The following RBM6 variants were observed in gnomAD, a reference collection of about 807,000 sequenced individuals.
RBM6 encodes the protein RNA binding motif protein 6, also known as RNA-binding protein 6.
RBM6 carries 23 observed loss-of-function variants against 140.4 expected under a neutral mutation model. The observed-to-expected ratio is 0.16, with a 90% confidence interval of 0.12 to 0.23. The LOEUF is 0.23. RBM6 is among the 10% of genes least tolerant of loss of function. RBM6 has a pLI of 1.00. For synonymous variants in RBM6, 439 were observed against 475.6 expected (o/e 0.92, Z 1.00); for missense variants, 1,139 against 1,386.7 (o/e 0.82, Z 2.84).
chr3:49,942,158 G>A (rs1365512491), intron 1 of RBM6, among the ~76,000 whole-genome samples: 2 of 151,166 alleles, frequency 1.3e-5, no homozygotes, highest in African/African-American at 4.9e-5. Context: ...GTATGTTTAT[G>A]TATATTTTAA....
chr3:49,948,275 C>A (rs2083580888), intron 1 of RBM6, among the ~76,000 whole-genome samples: 1 of 152,144 alleles, frequency 6.6e-6, no homozygotes, highest in Non-Finnish European at 1.5e-5. Flanking sequence ...CGCCTATAAT[C>A]TTAGCACTTT....
chr3:49,949,065 G>A (rs2108578241), intron 1 of RBM6, among the ~76,000 whole-genome samples: 1 of 151,290 alleles, frequency 6.6e-6, no homozygotes, highest in South Asian at 2.1e-4. Flanking sequence ...TTCTGACCTT[G>A]TGATCCGCTG....
At chr3:50,064,124 G>A (rs541270696) in intron 15 of RBM6, among the ~76,000 whole-genome samples, 87 of 151,908 alleles carry the variant, frequency 5.7e-4, no homozygotes, top group African/African-American at 1.5e-3. Context: ...GTAGAGACGC[G>A]GTTTCACCAT....
At chr3:49,993,416 T>G (rs2085920553) in intron 5 of RBM6, among the ~76,000 whole-genome samples, 1 of 152,128 alleles carries the variant, frequency 6.6e-6, no homozygotes, top group Non-Finnish European at 1.5e-5. Flanking sequence ...CCAAGGCGTG[T>G]GGATAACTCG....
intron 5 of RBM6, among the ~76,000 whole-genome samples, chr3:49,995,180 A>C (rs551757838): frequency 1.4e-4 from 22 of 152,166 alleles, no homozygotes; most frequent in Non-Finnish European, 3.1e-4. Flanking sequence ...AGGCAACCAC[A>C]TGGTTAATGA....
At chr3:50,060,753 CAAAAAAAAAAAAAA>C (rs35467618) in intron 11 of RBM6, 189 bp from the exon 12 acceptor site, 4 of 122,414 alleles carry the variant, frequency 3.3e-5, no homozygotes, top group Non-Finnish European at 5.3e-5. Context: ...GACTCCGTCT[CAAAAAAAAAAAAAA>C]AAAAAAAAAG....
At chr3:49,949,919 C>G (rs576923380) in intron 1 of RBM6, among the ~76,000 whole-genome samples, 111 of 152,128 alleles carry the variant, frequency 7.3e-4, no homozygotes, top group African/African-American at 2.5e-3. Context: ...AATGGGGTTT[C>G]GCCATATTGG....
intron 6 of RBM6, among the ~76,000 whole-genome samples, chr3:50,026,814 G>A (rs747779957): frequency 1.6e-4 from 24 of 150,470 alleles, no homozygotes; most frequent in Non-Finnish European, 3.1e-4. Context: ...TGGGGAAGCC[G>A]AGGTGGGAGA....
chr3:50,040,461 AAAAAAAAAAAATATATAT>A (rs1470189317), intron 6 of RBM6, among the ~76,000 whole-genome samples: 1 of 47,846 alleles, frequency 2.1e-5, no homozygotes, highest in Non-Finnish European at 4.0e-5. Flanking sequence ...AAAAAAAAAA[AAAAAAAAAAAATATATAT>A]ATATATATAT....
intron 15 of RBM6, among the ~76,000 whole-genome samples, chr3:50,062,522 C>T (rs1326661484): frequency 4.0e-5 from 6 of 151,378 alleles, no homozygotes; most frequent in African/African-American, 1.2e-4. Flanking sequence ...AAAAAAACCT[C>T]TGTTAATGAG....
At chr3:50,052,997 G>A (rs901549404) in intron 7 of RBM6, among the ~76,000 whole-genome samples, 11 of 87,352 alleles carry the variant, frequency 1.3e-4, no homozygotes, top group Non-Finnish European at 3.0e-4. Context: ...GTGTGTGTGT[G>A]TGTGTGTGTG....
At chr3:49,966,351 T>C (rs2084518368) in intron 2 of RBM6, among the ~76,000 whole-genome samples, 1 of 152,182 alleles carries the variant, frequency 6.6e-6, no homozygotes, top group African/African-American at 2.4e-5. Context: ...TTCAGGTCTT[T>C]TCATGTTTTC....
intron 5 of RBM6, among the ~76,000 whole-genome samples, chr3:49,984,618 ATCGCATCGCATCGCATCG>A (rs1559552766): frequency 0.12 from 17,635 of 148,614 alleles, 1,312 homozygotes; most frequent in Middle Eastern, 0.18. Context: ...ATCACATCGC[ATCGCATCGCATCGCATCG>A]CATCGCATCG....
chr3:49,942,437 C>G (rs369194404), intron 1 of RBM6, among the ~76,000 whole-genome samples: 1 of 144,766 alleles, frequency 6.9e-6, no homozygotes, highest in African/African-American at 2.6e-5. Flanking sequence ...TGCAGTGAGC[C>G]GAGATTGCGC....
chr3:49,980,136 G>A (rs1346330173), intron 5 of RBM6, among the ~76,000 whole-genome samples: 1 of 151,690 alleles, frequency 6.6e-6, no homozygotes, highest in East Asian at 1.9e-4. Flanking sequence ...TGAGTAGCTG[G>A]GATTACAGGC....
intron 5 of RBM6, among the ~76,000 whole-genome samples, chr3:49,997,679 T>C (rs2086150523): frequency 6.6e-6 from 1 of 152,174 alleles, no homozygotes; most frequent in African/African-American, 2.4e-5. Flanking sequence ...CATTTGAGTG[T>C]TTGCAGTGGA....
rs750114883 is a variant in RBM6, at chr3:50,065,028, C to G, written c.2587-3C>G. The G allele has an allele frequency of 6.2e-7, 1 of 1,609,540 alleles. No individual in the cohort carries two copies. The highest frequency in any genetic ancestry group is 8.5e-7 in the Non-Finnish European group (1 of 1,176,116). ...ATGTGAGAGTTACCTCTGGTTTGAT[C>G]AGTTTCAGGAAAATGCCAGTGAAGG... On this transcript the variant is annotated splice_region_variant and splice_polypyrimidine_tract_variant and intron_variant, in intron 15 of 20. Transcript: ENST00000266022.
intron 6 of RBM6, chr3:50,047,124 G>C: frequency 5.2e-6 from 5 of 970,130 alleles, no homozygotes; most frequent in Non-Finnish European, 6.1e-6. Context: ...ATTTTATCCT[G>C]TGTATTTCTC....
chr3:49,954,166 G>A (rs933675291), intron 1 of RBM6, among the ~76,000 whole-genome samples: 31 of 151,642 alleles, frequency 2.0e-4, no homozygotes, highest in African/African-American at 6.8e-4. Context: ...TAGGCCGGGC[G>A]CAATGGCTCA....
Sources: gnomAD v4.1 joint callset for allele counts (sites outside exome capture counted in the v4.1 genomes callset) on GRCh38, gnomAD v4.1.1 for gene constraint, MANE v1.5 for transcripts, NCBI Gene and HGNC (gene_info 2026-07-23, HGNC 2026-07-21) for gene names.